The following FBXO33 variants were observed in gnomAD, a reference collection of about 807,000 sequenced individuals.
FBXO33 encodes the protein F-box only protein 33.
FBXO33 carries 22 observed loss-of-function variants against 46.3 expected under a neutral mutation model. The observed-to-expected ratio is 0.48, with a 90% confidence interval of 0.34 to 0.68. FBXO33 has a LOEUF of 0.68. Among genes scored for constraint, FBXO33 ranks in the 30% least tolerant of loss-of-function variants. The pLI, the probability that FBXO33 is intolerant of heterozygous loss-of-function variation, is 0.01. For missense variants in FBXO33, 692 were observed against 708.8 expected, an observed-to-expected ratio of 0.98 and a Z score of 0.27; for synonymous variants, 337 against 291.3, an observed-to-expected ratio of 1.16 and a Z score of -1.60.
intron 1 of FBXO33, among the ~76,000 whole-genome samples, chr14:39,420,665 TG>T (rs1314103850): frequency 6.6e-6 from 1 of 151,832 alleles, no homozygotes; most frequent in South Asian, 2.1e-4. Context: ...CACTCCAGCC[TG>T]GGGGACAGAG....
chr14:39,415,498 C>T (rs2075443726), intron 1 of FBXO33, among the ~76,000 whole-genome samples: 1 of 152,086 alleles, frequency 6.6e-6, no homozygotes, highest in South Asian at 2.1e-4. Flanking sequence ...TGTGTTTTTG[C>T]TGTATGATTA....
intron 1 of FBXO33, among the ~76,000 whole-genome samples, chr14:39,430,793 A>G (rs1052109134): frequency 1.3e-5 from 2 of 152,200 alleles, no homozygotes; most frequent in African/African-American, 4.8e-5. Flanking sequence ...TGGGAGGGAT[A>G]CTGGGTCAGA....
Position 39,402,492 on chromosome 14 carries a change from G to T in FBXO33, c.619C>A (p.Leu207Ile). 1 of 1,529,624 alleles carries T rather than the reference G, an allele frequency of 6.5e-7. No individual in the cohort carries two copies. Among genetic ancestry groups the T allele is most frequent in the South Asian group, 1.4e-5 (1 of 73,230 alleles). The allele number at this position is 1,529,624 out of a possible 1,614,324, so 94.8% of individuals were successfully genotyped here. A position where few individuals can be genotyped will look rare whatever the true frequency, so the allele number is the denominator to read the frequency against. ...TGTAGAACACTTATGTCTCCAAAAAGACTAAACTTCTGAAGGTTCCTACAA... is the reference window on the plus strand; with the variant it reads ...TGTAGAACACTTATGTCTCCAAAAATACTAAACTTCTGAAGGTTCCTACAA... ...RNNRNLQKFSLFGDISVLQQQ... is the reference protein window; with the variant it reads ...RNNRNLQKFSIFGDISVLQQQ... The change falls in exon 2 of 4, where the codon CTT (leucine) becomes ATT (isoleucine). Residue 207 changes from leucine to isoleucine, a missense_variant. This residue lies in a region of FBXO33 where 412 missense variants were observed against 370.8 expected (regional missense o/e 1.11). Transcript: ENST00000298097.
At chr14:39,405,833 C>T (rs1264433851) in intron 1 of FBXO33, among the ~76,000 whole-genome samples, 1 of 146,260 alleles carries the variant, frequency 6.8e-6, no homozygotes, top group Non-Finnish European at 1.5e-5. Context: ...TCAAGGAAAA[C>T]ATCACAGGAA....
intron 1 of FBXO33, among the ~76,000 whole-genome samples, chr14:39,414,290 C>T (rs2075437372): frequency 1.3e-5 from 2 of 152,242 alleles, no homozygotes; most frequent in South Asian, 4.1e-4. Context: ...CCTCACCTCT[C>T]TCAGCCTTCA....
intron 1 of FBXO33, among the ~76,000 whole-genome samples, chr14:39,407,784 G>C (rs1181844223): frequency 6.6e-6 from 1 of 152,124 alleles, no homozygotes; most frequent in Non-Finnish European, 1.5e-5. Flanking sequence ...TTGAGATCCT[G>C]ATTACACTCT....
chr14:39,429,940 TA>T (rs1390788030), intron 1 of FBXO33, among the ~76,000 whole-genome samples: 1 of 152,216 alleles, frequency 6.6e-6, no homozygotes, highest in Non-Finnish European at 1.5e-5. Context: ...AACCAGTTAT[TA>T]AAATACTTAA....
chr14:39,401,301 T>G lies in FBXO33; in HGVS notation c.1271A>C (p.His424Pro). ...AATCACATCATTCATTAAAATAAAA[T>G]GAGTGAGGAACTTGTCATATTGCCT... ...ISRQYDKFLTHFILMNDVIDT... is the reference protein window; with the variant it reads ...ISRQYDKFLTPFILMNDVIDT... Residue 424 changes from histidine to proline, a missense_variant, in exon 3 of 4, where the codon CAT (histidine) becomes CCT (proline). Physicochemically the swap from His to Pro is moderately conservative, Grantham distance 77. Transcript: ENST00000298097. 1 of 1,614,068 alleles carries G rather than the reference T, an allele frequency of 6.2e-7. No individual in the cohort carries two copies. The highest frequency in any genetic ancestry group is 8.5e-7 in the Non-Finnish European group (1 of 1,180,000).
intron 3 of FBXO33, among the ~76,000 whole-genome samples, chr14:39,400,255 GTTAA>G (rs759587205): frequency 2.0e-5 from 3 of 152,156 alleles, no homozygotes; most frequent in South Asian, 2.1e-4. Flanking sequence ...AAGGTAAACT[GTTAA>G]TTGTCAGTAG....
At chr14:39,403,800 TTTC>T (rs2075379880) in intron 1 of FBXO33, among the ~76,000 whole-genome samples, 1 of 136,244 alleles carries the variant, frequency 7.3e-6, no homozygotes, top group Non-Finnish European at 1.5e-5. Context: ...AAAAATACCA[TTTC>T]TTTTTTTTTT....
rs1241789708 is a variant in FBXO33, at chr14:39,431,757, C to G, written c.406G>C (p.Val136Leu). Reference sequence around the variant, plus strand: ...GCGAATTCAACACGCAGCTCTCGCACGAACCAGCCGCACTTGCGCATGAGG... The same window carrying G: ...GCGAATTCAACACGCAGCTCTCGCAGGAACCAGCCGCACTTGCGCATGAGG... ...EFLMRKCGWFVRELRVEFAAE... is the reference protein window; with the variant it reads ...EFLMRKCGWFLRELRVEFAAE... Residue 136 changes from valine to leucine, a missense_variant, in exon 1 of 4, where the codon GTG (valine) becomes CTG (leucine). Around this residue, in one of 3 missense-constraint regions of FBXO33, gnomAD observed 412 missense variants for 370.8 expected, o/e 1.11. Coordinates refer to ENST00000298097, the MANE Select transcript of FBXO33 (RefSeq NM_203301.4). 1.2e-6 allele frequency: 2 copies of G among 1,612,682 alleles called. No individual in the cohort carries two copies. Among genetic ancestry groups the G allele is most frequent in the Admixed American group, 3.3e-5 (2 of 60,008 alleles).
At chr14:39,412,573 C>A (rs973434743) in intron 1 of FBXO33, among the ~76,000 whole-genome samples, 6 of 152,208 alleles carry the variant, frequency 3.9e-5, no homozygotes, top group Non-Finnish European at 7.4e-5. Flanking sequence ...TAAAGACTTA[C>A]TATCGTCATT....
rs1462967653 is a variant in FBXO33, at chr14:39,398,413, TCTTTC to T, written c.*1098_*1102del. ...TAGAACAAGCTTTCAGTTTTTCCTTTCTTTCCTTTACATTCACTATTCACAGTGAA... is the reference window on the plus strand; with the variant it reads ...TAGAACAAGCTTTCAGTTTTTCCTTTCTTTACATTCACTATTCACAGTGAA... On this transcript the variant is annotated 3_prime_UTR_variant, in exon 4 of 4. Transcript: ENST00000298097. 2 of 152,490 alleles carry T rather than the reference TCTTTC, an allele frequency of 1.3e-5. No individual in the cohort carries two copies. The highest frequency in any genetic ancestry group is 2.9e-5 in the Non-Finnish European group (2 of 68,032). The allele number at this position is 152,490 out of a possible 1,614,324, so 9.4% of individuals were successfully genotyped here.
At chr14:39,418,774 C>CAAAAAA (rs1237168650) in intron 1 of FBXO33, among the ~76,000 whole-genome samples, 3 of 60,124 alleles carry the variant, frequency 5.0e-5, no homozygotes, top group African/African-American at 1.9e-4. Context: ...GACTCCGTCT[C>CAAAAAA]AAAAAAAAAA....
At chr14:39,414,690 C>G (rs1052911862) in intron 1 of FBXO33, among the ~76,000 whole-genome samples, 1 of 152,156 alleles carries the variant, frequency 6.6e-6, no homozygotes, top group Non-Finnish European at 1.5e-5. Flanking sequence ...GAGACAGGGT[C>G]TTGCTCTGTT....
chr14:39,419,075 T>C (rs970576704), intron 1 of FBXO33, among the ~76,000 whole-genome samples: 6 of 152,224 alleles, frequency 3.9e-5, no homozygotes, highest in Non-Finnish European at 8.8e-5. Context: ...TCTCCTGTTG[T>C]AGATGAAGAA....
At chr14:39,411,506 A>G (rs541226940) in intron 1 of FBXO33, among the ~76,000 whole-genome samples, 9 of 150,088 alleles carry the variant, frequency 6.0e-5, no homozygotes, top group South Asian at 2.1e-4. Context: ...TTGTATCAAG[A>G]TATTATTTGA....
intron 1 of FBXO33, among the ~76,000 whole-genome samples, chr14:39,419,673 T>C (rs1459474561): frequency 1.3e-5 from 2 of 152,216 alleles, no homozygotes; most frequent in African/African-American, 4.8e-5. Flanking sequence ...TTATTTATTG[T>C]TGAATAGCAA....
intron 1 of FBXO33, among the ~76,000 whole-genome samples, chr14:39,411,536 T>C (rs2075422902): frequency 1.3e-5 from 2 of 152,032 alleles, no homozygotes; most frequent in Admixed American, 6.6e-5. Flanking sequence ...CCTTTTTTTT[T>C]CTTGAGACAA....
Sources: gnomAD v4.1 joint callset for allele counts (sites outside exome capture counted in the v4.1 genomes callset) on GRCh38, gnomAD v4.1.1 for gene constraint, gnomAD v4.1.1 regional missense constraint, MANE v1.5 for transcripts, NCBI Gene and HGNC (gene_info 2026-07-23, HGNC 2026-07-21) for gene names.